ATP11A: variants seen among roughly 807,000 people sequenced by gnomAD.
ATP11A encodes the protein ATPase phospholipid transporting 11A.
Under a neutral mutation model 154.4 loss-of-function variants are expected in ATP11A, and 81 were observed. The observed-to-expected ratio is 0.52, with a 90% CI of 0.44 to 0.63. ATP11A has a LOEUF of 0.63. Ranked by LOEUF, ATP11A falls within the 30% of genes least tolerant of loss-of-function variation. The pLI is 0.00. For synonymous variants in ATP11A, 623 were observed against 585.9 expected, an observed-to-expected ratio of 1.06 and a Z score of -0.91; for missense variants, 1,316 against 1,474.3, an observed-to-expected ratio of 0.89 and a Z score of 1.76.
intron 1 of ATP11A, among the ~76,000 whole-genome samples, chr13:112,783,220 G>C (rs904816616): frequency 5.3e-5 from 8 of 152,184 alleles, no homozygotes; most frequent in Admixed American, 1.3e-4. Context: ...TCCAAAAACA[G>C]CCCCATGAGG....
At chr13:112,870,217 G>A (rs1045836608) in intron 25 of ATP11A, among the ~76,000 whole-genome samples, 2 of 152,178 alleles carry the variant, frequency 1.3e-5, no homozygotes, top group African/African-American at 4.8e-5. Context: ...CACTACAAAA[G>A]GTCCTAACAC....
At chr13:112,772,174 C>G (rs2077241250) in intron 1 of ATP11A, among the ~76,000 whole-genome samples, 1 of 152,150 alleles carries the variant, frequency 6.6e-6, no homozygotes. Flanking sequence ...AAAACAAAGT[C>G]TTTTTCTAAG....
chr13:112,766,808 CCA>C (rs2077089909), intron 1 of ATP11A, among the ~76,000 whole-genome samples: 5 of 113,872 alleles, frequency 4.4e-5, no homozygotes, highest in Non-Finnish European at 5.3e-5. Flanking sequence ...GCGTTGGGGG[CCA>C]CTGTGGGAAG....
At chr13:112,876,256 G>C (rs1250706007) in intron 28 of ATP11A, among the ~76,000 whole-genome samples, 1 of 152,116 alleles carries the variant, frequency 6.6e-6, no homozygotes, top group Non-Finnish European at 1.5e-5. Flanking sequence ...TACTTTAAAA[G>C]GTTGAATTAC....
chr13:112,744,121 T>A (rs1891848695), intron 1 of ATP11A, among the ~76,000 whole-genome samples: 1 of 152,224 alleles, frequency 6.6e-6, no homozygotes, highest in African/African-American at 2.4e-5. Context: ...CTTCACGCAT[T>A]TGTCAGTGGT....
chr13:112,787,443 G>T (rs71446641), intron 2 of ATP11A, among the ~76,000 whole-genome samples: 16 of 96,822 alleles, frequency 1.7e-4, no homozygotes, highest in African/African-American at 8.8e-4. Flanking sequence ...AATTCACACC[G>T]GGTGTCCTGA....
intron 1 of ATP11A, among the ~76,000 whole-genome samples, chr13:112,756,016 C>T (rs533305934): frequency 6.6e-6 from 1 of 152,122 alleles, no homozygotes; most frequent in East Asian, 1.9e-4. Flanking sequence ...GCACTCAGAG[C>T]GGCTCCCAGA....
In ATP11A at chr13:112,696,208, C is replaced by CG. The variant is rs150312073; in HGVS notation, c.39+5757dup. ...TCGTGCACGCTGGGTGCCCAGTGCA[C>CG]GGGGCGTCTTTGTTGCGCGCATGGA... On this transcript the variant is annotated intron_variant, in intron 1 of 29. Coordinates refer to ENST00000375645, the MANE Select transcript of ATP11A (RefSeq NM_015205.3). This position sits in a 1 kb window ranked among gnomAD's most constrained non-coding sequence, Gnocchi z 6.2. Among the ~76,000 whole-genome samples the CG allele has an allele frequency of 0.013, 1,938 of 152,308 alleles. 54 individuals carry two copies. Among genetic ancestry groups the CG allele is most frequent in the African/African-American group, 0.045 (1,860 of 41,570 alleles).
intron 1 of ATP11A, among the ~76,000 whole-genome samples, chr13:112,695,615 C>T (rs1039938818): frequency 6.6e-6 from 1 of 152,134 alleles, no homozygotes; most frequent in African/African-American, 2.4e-5. Context: ...CTATAGTCAG[C>T]TAAATTTCTA....
intron 16 of ATP11A, among the ~76,000 whole-genome samples, chr13:112,839,801 C>T (rs1032962695): frequency 3.3e-5 from 5 of 152,216 alleles, no homozygotes; most frequent in Non-Finnish European, 7.3e-5. Flanking sequence ...AAGCCATTCA[C>T]ATGCTCTTGG....
At chr13:112,794,760 C>T (rs552439164) in intron 2 of ATP11A, among the ~76,000 whole-genome samples, 3 of 152,052 alleles carry the variant, frequency 2.0e-5, no homozygotes, top group African/African-American at 7.2e-5. Flanking sequence ...TCTAGCTACT[C>T]GGGAGGTTGA....
intron 1 of ATP11A, among the ~76,000 whole-genome samples, chr13:112,763,042 C>T (rs556168880): frequency 6.6e-6 from 1 of 152,246 alleles, no homozygotes; most frequent in Non-Finnish European, 1.5e-5. Context: ...AAGCGCATCC[C>T]TGAGCAGCCC....
At chr13:112,822,757 A>G (rs1313238530) in intron 8 of ATP11A, among the ~76,000 whole-genome samples, 1 of 151,988 alleles carries the variant, frequency 6.6e-6, no homozygotes, top group African/African-American at 2.4e-5. Flanking sequence ...AAAAAAAAAA[A>G]AAAAGGAAAC....
At chr13:112,820,190 G>C (rs546241103) in intron 8 of ATP11A, among the ~76,000 whole-genome samples, 6 of 152,218 alleles carry the variant, frequency 3.9e-5, no homozygotes, top group African/African-American at 1.4e-4. Context: ...CTGCCGAGAG[G>C]GTCGTCTCAC....
At chr13:112,694,392 AG>A (rs1885543538) in intron 1 of ATP11A, among the ~76,000 whole-genome samples, 1 of 152,184 alleles carries the variant, frequency 6.6e-6, no homozygotes, top group Non-Finnish European at 1.5e-5. Context: ...GCTGCTGCTC[AG>A]CTACCTGTGG....
chr13:112,748,854 G>A (rs2076620907), intron 1 of ATP11A, among the ~76,000 whole-genome samples: 1 of 152,152 alleles, frequency 6.6e-6, no homozygotes, highest in African/African-American at 2.4e-5. Context: ...TATGTGGTCG[G>A]ATCTAACTAC....
intron 1 of ATP11A, among the ~76,000 whole-genome samples, chr13:112,775,265 A>G (rs2077319727): frequency 6.6e-6 from 1 of 152,214 alleles, no homozygotes; most frequent in Non-Finnish European, 1.5e-5. Flanking sequence ...CTCTGCTGTG[A>G]AGATGCCGAA....
At chr13:112,729,645 G>A (rs190692142) in intron 1 of ATP11A, among the ~76,000 whole-genome samples, 63 of 152,336 alleles carry the variant, frequency 4.1e-4, no homozygotes, top group African/African-American at 1.3e-3. Flanking sequence ...CATGTAACAC[G>A]TCTGAGTGTG....
chr13:112,821,458 C>T (rs1433794096), intron 8 of ATP11A, among the ~76,000 whole-genome samples: 8 of 152,068 alleles, frequency 5.3e-5, no homozygotes, highest in Non-Finnish European at 8.8e-5. Flanking sequence ...GGATTACAGG[C>T]GTGTGCCACC....
Sources: allele counts gnomAD v4.1 joint callset (sites outside exome capture counted in the v4.1 genomes callset), GRCh38; gene constraint gnomAD v4.1.1; non-coding constraint Gnocchi (gnomAD v3.1); transcripts MANE v1.5; gene names NCBI Gene and HGNC (gene_info 2026-07-23, HGNC 2026-07-21).